The following SLC14A2 variants were observed in gnomAD, a reference collection of about 807,000 sequenced individuals.
SLC14A2 encodes urea transporter 2.
A neutral mutation model predicts 104.6 loss-of-function variants in SLC14A2; 91 were observed. That is an observed-to-expected ratio of 0.87 (90% CI 0.73 to 1.04). SLC14A2 has a LOEUF of 1.04. Ranked by LOEUF, SLC14A2 falls within the 50% of genes least tolerant of loss-of-function variation. The pLI is 0.00. For synonymous variants in SLC14A2, 476 were observed against 466.4 expected (o/e 1.02, Z -0.27); for missense variants, 1,189 against 1,156.0 (o/e 1.03, Z -0.41).
intron 1 of SLC14A2, among the ~76,000 whole-genome samples, chr18:45,386,798 A>G (rs1441871159): frequency 6.6e-6 from 1 of 152,314 alleles, no homozygotes; most frequent in East Asian, 1.9e-4. Flanking sequence ...AGTTTCCTCA[A>G]CTGTAGAATT....
At chr18:45,336,076 T>G (rs2085335478) in intron 1 of SLC14A2, among the ~76,000 whole-genome samples, 1 of 152,188 alleles carries the variant, frequency 6.6e-6, no homozygotes, top group African/African-American at 2.4e-5. Flanking sequence ...TGGCTGTTTT[T>G]GGCAGGTTTA....
intron 19 of SLC14A2, among the ~76,000 whole-genome samples, chr18:45,679,911 G>T (rs1316931533): frequency 2.6e-5 from 4 of 152,142 alleles, no homozygotes; most frequent in African/African-American, 4.8e-5. Flanking sequence ...GATGAGTCTA[G>T]TACTCATTGG....
At chr18:45,292,995 C>A (rs919157455) in intron 1 of SLC14A2, among the ~76,000 whole-genome samples, 2 of 151,658 alleles carry the variant, frequency 1.3e-5, no homozygotes, top group Non-Finnish European at 2.9e-5. Context: ...CCGCCCCTGC[C>A]CCCCCGCAAA....
intron 1 of SLC14A2, among the ~76,000 whole-genome samples, chr18:45,222,583 G>C (rs548631668): frequency 6.6e-6 from 1 of 152,244 alleles, no homozygotes; most frequent in South Asian, 2.1e-4. Flanking sequence ...AGATAAGGAG[G>C]GAGGTCAGAG....
chr18:45,482,283 A>C (rs1039460016), intron 1 of SLC14A2, among the ~76,000 whole-genome samples: 1 of 152,222 alleles, frequency 6.6e-6, no homozygotes, highest in Non-Finnish European at 1.5e-5. Context: ...AAATTATGGT[A>C]CAGACATATT....
intron 2 of SLC14A2, among the ~76,000 whole-genome samples, chr18:45,539,294 A>G (rs1219959329): frequency 6.6e-6 from 1 of 151,918 alleles, no homozygotes; most frequent in Non-Finnish European, 1.5e-5. Context: ...GAACACCAAG[A>G]TCTTCTCCCC....
intron 1 of SLC14A2, among the ~76,000 whole-genome samples, chr18:45,437,337 G>A (rs772378088): frequency 4.6e-5 from 6 of 129,506 alleles, no homozygotes; most frequent in Admixed American, 9.0e-5. Context: ...GTTTCCAGAT[G>A]GTGGAAACCA....
chr18:45,616,927 G>A (rs772538820), intron 1 of SLC14A2, among the ~76,000 whole-genome samples: 7 of 151,968 alleles, frequency 4.6e-5, no homozygotes, highest in Admixed American at 2.6e-4. Flanking sequence ...ATGAAACCCC[G>A]TCTCTACTAA....
At chr18:45,501,779 G>A (rs1476765611) in intron 2 of SLC14A2, among the ~76,000 whole-genome samples, 1 of 152,190 alleles carries the variant, frequency 6.6e-6, no homozygotes, top group African/African-American at 2.4e-5. Context: ...AGAGTCTTGG[G>A]CAGAGCTACA....
intron 1 of SLC14A2, among the ~76,000 whole-genome samples, chr18:45,406,311 G>T (rs1201733828): frequency 1.3e-5 from 2 of 152,168 alleles, no homozygotes; most frequent in Non-Finnish European, 1.5e-5. Context: ...CTCCTCATTT[G>T]TTAAAATTTG....
At chr18:45,174,582 G>T in the SLC14A2 span, among the ~76,000 whole-genome samples, 3 of 152,078 alleles carry the variant, frequency 2.0e-5, no homozygotes, top group Non-Finnish European at 4.4e-5. Context: ...ATTGTCATCC[G>T]TCCCTGCTTC....
chr18:45,414,791 T>C (rs2086257879), intron 1 of SLC14A2, among the ~76,000 whole-genome samples: 1 of 115,270 alleles, frequency 8.7e-6, no homozygotes, highest in South Asian at 2.9e-4. Context: ...TATATATATA[T>C]ATATAGAAAA....
the SLC14A2 span, among the ~76,000 whole-genome samples, chr18:45,173,129 G>A: frequency 3.9e-5 from 6 of 152,120 alleles, no homozygotes; most frequent in Non-Finnish European, 7.4e-5. Flanking sequence ...CTTATTAGCT[G>A]TAGTATTCAC....
rs2046090812 is a variant in SLC14A2, at chr18:45,669,430, C to T, written c.2161C>T (p.Pro721Ser). ...AATGHYNLFF[P>S]TTLLQPASAM... ...CACGGGCCACTACAACCTTTTCTTCCCCACAACGCTGCTGCAGCCTGCATC... is the reference window on the plus strand; with the variant it reads ...CACGGGCCACTACAACCTTTTCTTCTCCACAACGCTGCTGCAGCCTGCATC... Residue 721 changes from proline to serine, a missense_variant, in exon 16 of 20, where the codon CCC becomes TCC. Coordinates refer to ENST00000255226, the MANE Select transcript of SLC14A2 (RefSeq NM_007163.4). The T allele has an allele frequency of 2.5e-6, 4 of 1,614,188 alleles. No individual in the cohort carries two copies. The highest frequency in any genetic ancestry group is 3.4e-6 in the Non-Finnish European group (4 of 1,180,016).
At chr18:45,256,417 A>G (rs2084479108) in intron 1 of SLC14A2, among the ~76,000 whole-genome samples, 1 of 152,182 alleles carries the variant, frequency 6.6e-6, no homozygotes, top group Non-Finnish European at 1.5e-5. Context: ...TCTTTATGAT[A>G]GTTCAACTGC....
intron 10 of SLC14A2, among the ~76,000 whole-genome samples, chr18:45,658,864 A>G (rs2045886776): frequency 6.6e-6 from 1 of 152,100 alleles, no homozygotes; most frequent in Non-Finnish European, 1.5e-5. Context: ...ACTCCCAAGG[A>G]AAGTGTTCCT....
intron 2 of SLC14A2, among the ~76,000 whole-genome samples, chr18:45,573,144 G>T (rs144581762): frequency 1.9e-3 from 291 of 152,260 alleles, no homozygotes; most frequent in African/African-American, 6.7e-3. Context: ...TCAACTAATA[G>T]ATTGATTCAC....
intron 5 of SLC14A2, among the ~76,000 whole-genome samples, chr18:45,633,696 A>G (rs533894515): frequency 2.6e-5 from 4 of 152,358 alleles, no homozygotes; most frequent in African/African-American, 4.8e-5. Flanking sequence ...ATCAGACAGG[A>G]TGATTTACTT....
At chr18:45,363,026 T>A (rs2085628928) in intron 1 of SLC14A2, among the ~76,000 whole-genome samples, 1 of 152,110 alleles carries the variant, frequency 6.6e-6, no homozygotes, top group Non-Finnish European at 1.5e-5. Flanking sequence ...CTCATATCCA[T>A]TCCTGTCTGC....
Sources: gnomAD v4.1 joint callset for allele counts (sites outside exome capture counted in the v4.1 genomes callset) on GRCh38, gnomAD v4.1.1 for gene constraint, MANE v1.5 for transcripts, NCBI Gene and HGNC (gene_info 2026-07-23, HGNC 2026-07-21) for gene names.